The following ACSL1 variants were observed in gnomAD, a reference collection of about 807,000 sequenced individuals.
ACSL1 encodes long-chain-fatty-acid--CoA ligase 1.
Under a neutral mutation model 98.4 loss-of-function variants are expected in ACSL1, and 41 were observed. That is an observed-to-expected ratio of 0.42 (90% CI 0.32 to 0.54). The LOEUF (loss-of-function observed/expected upper bound fraction) is 0.54, where lower values mean the gene tolerates loss of function less well. ACSL1 is among the 20% of genes least tolerant of loss of function. The probability of loss-of-function intolerance (pLI) is 0.13; values close to 1 mark genes in which losing one functional copy is unlikely to be tolerated. For synonymous variants in ACSL1, 316 were observed against 322.7 expected, an observed-to-expected ratio of 0.98 and a Z score of 0.22; for missense variants, 734 against 883.1, an observed-to-expected ratio of 0.83 and a Z score of 2.14.
chr4:184,775,179 C>T (rs576730545), intron 7 of ACSL1, among the ~76,000 whole-genome samples: 111 of 152,098 alleles, frequency 7.3e-4, no homozygotes, highest in Non-Finnish European at 1.4e-3. Context: ...GATGGAGTCT[C>T]GCTCTGTCAC....
intron 17 of ACSL1, 56 bp downstream of exon 17, chr4:184,762,351 T>C: frequency 6.9e-7 from 1 of 1,455,986 alleles, no homozygotes; most frequent in Non-Finnish European, 9.7e-7. Flanking sequence ...AGATAAGACA[T>C]TTTCTTCCCC....
chr4:184,780,557 A>T, intron 4 of ACSL1, 124 bp from the exon 5 acceptor site: 1 of 622,904 alleles, frequency 1.6e-6, no homozygotes, highest in Non-Finnish European at 2.8e-6. Flanking sequence ...GAGAGGGAAC[A>T]TGCAGGTATT....
chr4:184,760,515 G>A lies in ACSL1; in HGVS notation c.1639-15C>T, dbSNP rs1579828483. On this transcript the variant is annotated splice_polypyrimidine_tract_variant and intron_variant, in intron 17 of 20. Transcript: ENST00000281455. Reference sequence around the variant, plus strand: ...AAGGTGCCATTCTGTTGATCAGAGGGGAGGGGGTTATGAATGGGCTGATGG... The same window carrying A: ...AAGGTGCCATTCTGTTGATCAGAGGAGAGGGGGTTATGAATGGGCTGATGG... 14 of 1,613,690 alleles carry A rather than the reference G, an allele frequency of 8.7e-6. No individual in the cohort carries two copies. The highest frequency in any genetic ancestry group is 1.2e-5 in the Non-Finnish European group (14 of 1,179,818).
intron 7 of ACSL1, among the ~76,000 whole-genome samples, chr4:184,775,495 T>C (rs1374767428): frequency 6.6e-6 from 1 of 152,018 alleles, no homozygotes; most frequent in East Asian, 1.9e-4. Context: ...GGGGAAACAC[T>C]AGGTAAGAAG....
chr4:184,786,772 C>T (rs982155042), intron 3 of ACSL1, among the ~76,000 whole-genome samples: 3 of 148,312 alleles, frequency 2.0e-5, no homozygotes, highest in Non-Finnish European at 4.4e-5. Flanking sequence ...TGGCTCACTG[C>T]AACCTCCACC....
intron 1 of ACSL1, chr4:184,815,181 G>C: frequency 2.2e-6 from 1 of 449,054 alleles, no homozygotes; most frequent in South Asian, 1.6e-5. Flanking sequence ...GCTGTCCAGA[G>C]AGCTGAGGGT....
chr4:184,821,981 AGTAT>A (rs1332939788), intron 1 of ACSL1, among the ~76,000 whole-genome samples: 2 of 152,232 alleles, frequency 1.3e-5, no homozygotes, highest in African/African-American at 4.8e-5. Context: ...TTCTCCAGTA[AGTAT>A]GTATGACTCT....
chr4:184,786,542 G>T (rs1767377427), intron 3 of ACSL1, among the ~76,000 whole-genome samples: 1 of 151,934 alleles, frequency 6.6e-6, no homozygotes, highest in Non-Finnish European at 1.5e-5. Context: ...CACCAACTTT[G>T]AGAATGTTCA....
chr4:184,810,628 C>T (rs1316393428), intron 1 of ACSL1, among the ~76,000 whole-genome samples: 2 of 152,148 alleles, frequency 1.3e-5, no homozygotes, highest in Non-Finnish European at 1.5e-5. Context: ...ATCCTTCATG[C>T]CCCAGGGACA....
At chr4:184,801,713 G>A (rs965995112) in intron 2 of ACSL1, among the ~76,000 whole-genome samples, 1 of 152,138 alleles carries the variant, frequency 6.6e-6, no homozygotes, top group African/African-American at 2.4e-5. Flanking sequence ...TCTATAAACA[G>A]AGAAAAATCA....
chr4:184,787,271 T>C (rs921732059), intron 3 of ACSL1, among the ~76,000 whole-genome samples: 5 of 152,230 alleles, frequency 3.3e-5, no homozygotes, highest in Admixed American at 1.3e-4. Context: ...GGGCGCTCAC[T>C]GTGTGCCAGG....
At chr4:184,778,436 TCCA>T (rs1765659819) in intron 5 of ACSL1, among the ~76,000 whole-genome samples, 1 of 152,180 alleles carries the variant, frequency 6.6e-6, no homozygotes, top group African/African-American at 2.4e-5. Flanking sequence ...TTCCTGCCAC[TCCA>T]CCACATGAAA....
At chr4:184,758,925 G>A (rs368756896) in intron 18 of ACSL1, 1 of 100,310 alleles carries the variant, frequency 1.0e-5, no homozygotes, top group African/African-American at 4.1e-5. Flanking sequence ...ACAGGCCCTC[G>A]TGTGTGATGT....
intron 2 of ACSL1, among the ~76,000 whole-genome samples, chr4:184,794,266 A>G (rs1389943149): frequency 6.6e-6 from 1 of 152,184 alleles, no homozygotes; most frequent in Admixed American, 6.5e-5. Context: ...ATCAATTCTC[A>G]TATCTAGCAG....
At position 184,805,420 on chromosome 4, in the gene ACSL1, C is replaced by T. The variant is rs1002685230; in HGVS notation, c.-32-1874G>A. On this transcript the variant is annotated intron_variant, in intron 1 of 20. Transcript: ENST00000281455. ...TCACACACACACACACAAACACACACACGAAATTTCAAGGTTTACCATGAC... is the reference window on the plus strand; with the variant it reads ...TCACACACACACACACAAACACACATACGAAATTTCAAGGTTTACCATGAC... The T allele has an allele frequency of 5.2e-6, 5 of 961,088 alleles. No homozygotes were observed. The African/African-American group carries it at 8.8e-5, about 17-fold the overall frequency. The allele number at this position is 961,088 out of a possible 1,614,324, so 59.5% of individuals were successfully genotyped here.
At chr4:184,817,771 C>T (rs1053811043) in intron 1 of ACSL1, among the ~76,000 whole-genome samples, 3 of 152,148 alleles carry the variant, frequency 2.0e-5, no homozygotes, top group South Asian at 2.1e-4. Flanking sequence ...TGGTGACCGT[C>T]GCCTGGCCTG....
intron 1 of ACSL1, among the ~76,000 whole-genome samples, chr4:184,821,560 CATTAAACCTATTCATT>C (rs1460534514): frequency 6.6e-6 from 1 of 152,194 alleles, no homozygotes. Context: ...CCCAAAAGTC[CATTAAACCTATTCATT>C]AGTAAAAACA....
At chr4:184,790,178 G>A (rs1398432094) in intron 2 of ACSL1, among the ~76,000 whole-genome samples, 3 of 152,164 alleles carry the variant, frequency 2.0e-5, no homozygotes, top group Non-Finnish European at 4.4e-5. Flanking sequence ...AGAAGGGGAT[G>A]ACTGCCTGAT....
Position 184,760,339 on chromosome 4 carries a change from G to C in ACSL1, c.1782+18C>G, listed in dbSNP as rs1031318331. ...GCAATGTGTATGCAGCAAGATTCAA[G>C]ACCCAGAAAGCACATACCTGCAGGC... On this transcript the variant is annotated intron_variant, in intron 18 of 20. Transcript: ENST00000281455. The C allele has an allele frequency of 1.9e-6, 3 of 1,613,350 alleles. No individual in the cohort carries two copies. In the African/African-American group the frequency reaches 4.0e-5, roughly 22 times the overall value.
Sources: gnomAD v4.1 joint callset for allele counts (sites outside exome capture counted in the v4.1 genomes callset) on GRCh38, gnomAD v4.1.1 for gene constraint, MANE v1.5 for transcripts, NCBI Gene and HGNC (gene_info 2026-07-23, HGNC 2026-07-21) for gene names.